Variants in SCHIP1 observed in about 807,000 individuals in gnomAD.
SCHIP1 encodes the protein schwannomin-interacting protein 1.
A neutral mutation model predicts 29.7 loss-of-function variants in SCHIP1; 8 were observed. That is an observed-to-expected ratio of 0.27 (90% CI 0.16 to 0.49). The LOEUF is 0.49. Among genes scored for constraint, SCHIP1 ranks in the 20% least tolerant of loss-of-function variants. The pLI, the probability that SCHIP1 is intolerant of heterozygous loss-of-function variation, is 0.99. For missense variants in SCHIP1, 193 were observed against 294.6 expected (o/e 0.66, Z 2.52); for synonymous variants, 76 against 94.9 (o/e 0.80, Z 1.16).
At chr3:159,782,381 CTG>C in the SCHIP1 span, among the ~76,000 whole-genome samples, 1 of 152,242 alleles carries the variant, frequency 6.6e-6, no homozygotes, top group Non-Finnish European at 1.5e-5. Context: ...AAGTTAGCCT[CTG>C]TAACCTTCAT....
chr3:159,424,513 CA>C, the SCHIP1 span, among the ~76,000 whole-genome samples: 1 of 152,110 alleles, frequency 6.6e-6, no homozygotes, highest in Non-Finnish European at 1.5e-5. Flanking sequence ...AAGAAATGAA[CA>C]AAGCCTCCAA....
chr3:159,325,913 G>A, the SCHIP1 span, among the ~76,000 whole-genome samples: 4 of 151,976 alleles, frequency 2.6e-5, no homozygotes, highest in African/African-American at 4.8e-5. Flanking sequence ...CTGTAGTCAT[G>A]GTTTTTTACA....
chr3:159,315,177 C>T, the SCHIP1 span, among the ~76,000 whole-genome samples: 1 of 148,926 alleles, frequency 6.7e-6, no homozygotes, highest in African/African-American at 2.5e-5. Flanking sequence ...TTGGTACTAT[C>T]AGTCTTTTTT....
chr3:159,330,587 G>A, the SCHIP1 span, among the ~76,000 whole-genome samples: 2 of 152,042 alleles, frequency 1.3e-5, no homozygotes, highest in South Asian at 2.1e-4. Context: ...GTATTTTAAG[G>A]TAATCTTATA....
At chr3:159,384,228 TGATATTGGCTG>T in the SCHIP1 span, among the ~76,000 whole-genome samples, 2 of 150,708 alleles carry the variant, frequency 1.3e-5, no homozygotes, top group Non-Finnish European at 3.0e-5. Flanking sequence ...CCATTCAGTA[TGATATTGGCTG>T]TGGGTTTGTC....
chr3:159,730,391 G>A, the SCHIP1 span, among the ~76,000 whole-genome samples: 8 of 152,282 alleles, frequency 5.3e-5, no homozygotes, highest in South Asian at 2.1e-4. Context: ...CAGATTAAGT[G>A]GGTTAATCTG....
chr3:159,825,612 AT>A, the SCHIP1 span, among the ~76,000 whole-genome samples: 4 of 152,140 alleles, frequency 2.6e-5, no homozygotes, highest in African/African-American at 9.7e-5. Flanking sequence ...CTTCTCGAGA[AT>A]TTCATTCATT....
chr3:159,573,972 G>A, the SCHIP1 span, among the ~76,000 whole-genome samples: 6 of 152,098 alleles, frequency 3.9e-5, no homozygotes, highest in African/African-American at 1.2e-4. Flanking sequence ...GGTCATTTAA[G>A]GTCTTCTCTA....
the SCHIP1 span, among the ~76,000 whole-genome samples, chr3:159,425,275 A>G: frequency 3.3e-5 from 5 of 151,042 alleles, no homozygotes; most frequent in Admixed American, 6.6e-5. Context: ...AGACCCATCA[A>G]TGTGCTGTAT....
chr3:159,638,666 G>A, the SCHIP1 span, among the ~76,000 whole-genome samples: 4 of 151,234 alleles, frequency 2.6e-5, no homozygotes, highest in Non-Finnish European at 5.9e-5. Context: ...CCATTTGATA[G>A]CGTTATGTTG....
the SCHIP1 span, chr3:159,401,197 T>C: frequency 1.7e-5 from 16 of 961,472 alleles, no homozygotes; most frequent in Non-Finnish European, 1.9e-5. Context: ...CACAAATAAA[T>C]ACATGCTTTG....
At chr3:159,853,425 T>C in intron 1 of SCHIP1, 1 of 699,278 alleles carries the variant, frequency 1.4e-6, no homozygotes, top group South Asian at 1.5e-5. Flanking sequence ...CAGTCAAGAA[T>C]CCTCATTGGA....
At chr3:159,389,551 C>CTTGTATTTGTATTACAA in the SCHIP1 span, among the ~76,000 whole-genome samples, 1 of 151,952 alleles carries the variant, frequency 6.6e-6, no homozygotes, top group Non-Finnish European at 1.5e-5. Context: ...TGCATAAATA[C>CTTGTATTTGTATTACAA]TTGCATATAT....
At chr3:159,626,006 A>G in the SCHIP1 span, among the ~76,000 whole-genome samples, 27 of 151,748 alleles carry the variant, frequency 1.8e-4, no homozygotes, top group African/African-American at 6.3e-4. Context: ...TGACATGAAC[A>G]GCGATGGTAG....
the SCHIP1 span, among the ~76,000 whole-genome samples, chr3:159,337,649 G>A: frequency 0.016 from 2,469 of 152,172 alleles, 56 homozygotes; most frequent in African/African-American, 0.056. Flanking sequence ...GGGACATGAT[G>A]TCCTGTCTTC....
chr3:159,512,850 C>T, the SCHIP1 span, among the ~76,000 whole-genome samples: 1 of 152,188 alleles, frequency 6.6e-6, no homozygotes, highest in East Asian at 1.9e-4. Flanking sequence ...CCACTGCCTC[C>T]CACTACACTT....
At chr3:159,853,901 A>G (rs992411108) in intron 1 of SCHIP1, among the ~76,000 whole-genome samples, 3 of 152,240 alleles carry the variant, frequency 2.0e-5, no homozygotes, top group East Asian at 1.9e-4. Flanking sequence ...TTAAAAGTTG[A>G]TACAGTATCT....
chr3:159,325,168 C>T, the SCHIP1 span, among the ~76,000 whole-genome samples: 2 of 152,034 alleles, frequency 1.3e-5, no homozygotes, highest in Admixed American at 1.3e-4. Context: ...TATCCGAGAC[C>T]TTATCCTCAC....
At chr3:159,715,135 T>G in the SCHIP1 span, among the ~76,000 whole-genome samples, 1 of 152,168 alleles carries the variant, frequency 6.6e-6, no homozygotes, top group African/African-American at 2.4e-5. Flanking sequence ...GCAAACAGGG[T>G]CTGGAGTGGA....
Sources: allele counts gnomAD v4.1 joint callset (sites outside exome capture counted in the v4.1 genomes callset), GRCh38; gene constraint gnomAD v4.1.1; transcripts MANE v1.5; gene names NCBI Gene and HGNC (gene_info 2026-07-23, HGNC 2026-07-21).